Variants in METAP1 observed in about 807,000 individuals in gnomAD.
METAP1 encodes methionine aminopeptidase 1.
Under a neutral mutation model 53.8 loss-of-function variants are expected in METAP1, and 28 were observed. The ratio of observed to expected loss-of-function variants is 0.52; its 90% confidence interval spans 0.39 to 0.71. METAP1 has a LOEUF of 0.71. METAP1 is among the 30% of genes least tolerant of loss of function. The pLI is 0.00. For synonymous variants in METAP1, 181 were observed against 165.7 expected, an observed-to-expected ratio of 1.09 and a Z score of -0.71; for missense variants, 389 against 479.8, an observed-to-expected ratio of 0.81 and a Z score of 1.77.
chr4:99,031,724 A>G (rs1725047595), intron 2 of METAP1: 2 of 652,394 alleles, frequency 3.1e-6, no homozygotes, highest in African/African-American at 1.9e-5. Flanking sequence ...TGATCAGAAA[A>G]TCCTGTCCCA....
intron 1 of METAP1, chr4:99,023,714 G>A (rs778538358): frequency 8.6e-5 from 85 of 985,272 alleles, no homozygotes; most frequent in Non-Finnish European, 9.8e-5. Flanking sequence ...TTGTGAAGCC[G>A]TTGTAGTTTG....
chr4:99,004,444 GAT>G (rs1560691705), intron 1 of METAP1, among the ~76,000 whole-genome samples: 2 of 137,800 alleles, frequency 1.5e-5, no homozygotes, highest in African/African-American at 5.9e-5. Context: ...ACTGTGGACA[GAT>G]ACACACACAC....
intron 7 of METAP1, among the ~76,000 whole-genome samples, chr4:99,044,218 G>A (rs11737022): frequency 0.078 from 11,915 of 152,146 alleles, 1,198 homozygotes; most frequent in East Asian, 0.57. Context: ...ATGAGCCACC[G>A]TGCCTGGCTT....
chr4:98,996,340 G>C (rs1722627192), intron 1 of METAP1, among the ~76,000 whole-genome samples: 2 of 152,334 alleles, frequency 1.3e-5, no homozygotes, highest in South Asian at 4.1e-4. Context: ...GTCCCTGCGG[G>C]GTGGGGGGCT....
intron 7 of METAP1, 28 bp downstream of exon 7, chr4:99,043,415 C>A: frequency 6.4e-7 from 1 of 1,559,924 alleles, no homozygotes; most frequent in Non-Finnish European, 8.7e-7. Flanking sequence ...CTTTCATCAC[C>A]ATGGGCAAAG....
chr4:99,025,982 C>T (rs1475227414), intron 1 of METAP1, among the ~76,000 whole-genome samples: 1 of 152,208 alleles, frequency 6.6e-6, no homozygotes, highest in Non-Finnish European at 1.5e-5. Flanking sequence ...TCCTTCCCCA[C>T]TTTTGAGTTG....
At chr4:99,019,039 C>A (rs1311137614) in intron 1 of METAP1, among the ~76,000 whole-genome samples, 1 of 152,188 alleles carries the variant, frequency 6.6e-6, no homozygotes, top group Non-Finnish European at 1.5e-5. Flanking sequence ...CTAACTTTAG[C>A]ATTAAGTCTC....
intron 8 of METAP1, among the ~76,000 whole-genome samples, chr4:99,048,004 G>A (rs752302441): frequency 1.3e-5 from 2 of 152,156 alleles, no homozygotes; most frequent in Non-Finnish European, 2.9e-5. Flanking sequence ...AGTTGTCCAG[G>A]CTGAAACTCA....
intron 9 of METAP1, among the ~76,000 whole-genome samples, chr4:99,051,481 C>G (rs951944316): frequency 6.6e-6 from 1 of 151,956 alleles, no homozygotes; most frequent in African/African-American, 2.4e-5. Flanking sequence ...ACCTTGACCT[C>G]CGAGAGCTCA....
chr4:99,057,724 C>G, intron 9 of METAP1, 29 bp from the exon 10 acceptor site: 1 of 1,549,508 alleles, frequency 6.5e-7, no homozygotes, highest in Non-Finnish European at 8.7e-7. Context: ...GGTTTTGCTA[C>G]CTTTTGAGAT....
chr4:99,010,976 T>C (rs1723437844), intron 1 of METAP1, among the ~76,000 whole-genome samples: 1 of 152,152 alleles, frequency 6.6e-6, no homozygotes, highest in Non-Finnish European at 1.5e-5. Context: ...TATTCATTGT[T>C]AGTGTATAGA....
chr4:99,044,159 A>G (rs528762955), intron 7 of METAP1, among the ~76,000 whole-genome samples: 152 of 152,114 alleles, frequency 1.0e-3, no homozygotes, highest in Non-Finnish European at 1.9e-3. Flanking sequence ...AAACTCCTGG[A>G]CTCAAGCATC....
intron 1 of METAP1, among the ~76,000 whole-genome samples, chr4:99,020,381 G>A (rs946047004): frequency 3.3e-5 from 5 of 152,120 alleles, no homozygotes; most frequent in East Asian, 1.9e-4. Flanking sequence ...CCAGCTCTTC[G>A]GAAGCGCAGG....
At chr4:99,004,256 C>G (rs531090503) in intron 1 of METAP1, among the ~76,000 whole-genome samples, 1 of 152,208 alleles carries the variant, frequency 6.6e-6, no homozygotes, top group Non-Finnish European at 1.5e-5. Flanking sequence ...GGGTGGGACC[C>G]TCTCTGGAAT....
At chr4:99,027,183 G>T (rs143115674) in intron 1 of METAP1, among the ~76,000 whole-genome samples, 1 of 152,128 alleles carries the variant, frequency 6.6e-6, no homozygotes, top group Non-Finnish European at 1.5e-5. Flanking sequence ...CCCTTTGAAG[G>T]TTCACTGAAA....
At chr4:99,012,897 A>G (rs1330990733) in intron 1 of METAP1, among the ~76,000 whole-genome samples, 2 of 152,142 alleles carry the variant, frequency 1.3e-5, no homozygotes, top group African/African-American at 4.8e-5. Context: ...GGGGTCTTCC[A>G]GGTCATAGGT....
chr4:99,010,816 T>C (rs1040895252), intron 1 of METAP1, among the ~76,000 whole-genome samples: 1 of 152,234 alleles, frequency 6.6e-6, no homozygotes, highest in African/African-American at 2.4e-5. Context: ...TGTCTCTCTA[T>C]TTGTGTTGCC....
chr4:99,024,502 A>C (rs1560708130), intron 1 of METAP1, among the ~76,000 whole-genome samples: 1 of 152,080 alleles, frequency 6.6e-6, no homozygotes, highest in Non-Finnish European at 1.5e-5. Flanking sequence ...AATCATAGAG[A>C]GTCAAAGCTG....
chr4:98,995,775 G>T lies in METAP1; in HGVS notation c.22G>T (p.Val8Leu), dbSNP rs1343710233. 1 of 1,545,156 alleles carries T rather than the reference G, an allele frequency of 6.5e-7. No homozygotes were observed. Among genetic ancestry groups the T allele is most frequent in the Admixed American group, 2.0e-5 (1 of 50,742 alleles). Residue 8 changes from valine to leucine, a missense_variant, in exon 1 of 11, where the codon GTG (valine) becomes TTG (leucine). Transcript: ENST00000296411. ...CAGCATGGCGGCCGTGGAGACGCGG[G>T]TGTGCGAGACAGACGGCTGCAGCAG... is the stretch of plus-strand genomic sequence containing the variant. MAAVETRVCETDGCSSEA... is the reference protein window; with the variant it reads MAAVETRLCETDGCSSEA...
Sources: gnomAD v4.1 joint callset for allele counts (sites outside exome capture counted in the v4.1 genomes callset) on GRCh38, gnomAD v4.1.1 for gene constraint, MANE v1.5 for transcripts, NCBI Gene and HGNC (gene_info 2026-07-23, HGNC 2026-07-21) for gene names.